The following TBC1D5 variants were observed in gnomAD, a reference collection of about 807,000 sequenced individuals.
The protein encoded by TBC1D5 is TBC1 domain family member 5, also known as TBC1 domain family, member 5.
Under a neutral mutation model 100.3 loss-of-function variants are expected in TBC1D5, and 75 were observed. The observed-to-expected ratio is 0.75, with a 90% CI of 0.62 to 0.91. The LOEUF (loss-of-function observed/expected upper bound fraction) is 0.91. TBC1D5 is among the 40% of genes least tolerant of loss of function. The pLI is 0.00. For missense variants in TBC1D5, 910 were observed against 942.4 expected (o/e 0.97, Z 0.45); for synonymous variants, 323 against 325.6 (o/e 0.99, Z 0.09).
At chr3:17,518,098 A>G (rs1432290051) in intron 2 of TBC1D5, among the ~76,000 whole-genome samples, 2 of 152,178 alleles carry the variant, frequency 1.3e-5, no homozygotes, top group Non-Finnish European at 2.9e-5. Flanking sequence ...CTAAATAAAA[A>G]CAGTAGAGTA....
chr3:17,619,435 A>G (rs2062463669), intron 2 of TBC1D5, among the ~76,000 whole-genome samples: 1 of 152,254 alleles, frequency 6.6e-6, no homozygotes, highest in Non-Finnish European at 1.5e-5. Context: ...AACAGTGCAA[A>G]TGAACAGAAA....
chr3:17,343,914 A>G (rs2089432983), intron 13 of TBC1D5, among the ~76,000 whole-genome samples: 1 of 151,760 alleles, frequency 6.6e-6, no homozygotes, highest in African/African-American at 2.4e-5. Flanking sequence ...CTTTCAAAAA[A>G]CCAGCTCCTG....
intron 2 of TBC1D5, among the ~76,000 whole-genome samples, chr3:17,565,460 A>AAT (rs1217351952): frequency 1.3e-5 from 2 of 152,144 alleles, no homozygotes; most frequent in Non-Finnish European, 2.9e-5. Flanking sequence ...GGAAAAGGTA[A>AAT]ATATATACAT....
intron 3 of TBC1D5, among the ~76,000 whole-genome samples, chr3:17,486,272 C>G (rs2150421994): frequency 6.6e-6 from 1 of 152,108 alleles, no homozygotes; most frequent in African/African-American, 2.4e-5. Context: ...CGAAAATTTT[C>G]TCCCATTTTG....
At chr3:17,510,010 T>C (rs1183458894) in intron 2 of TBC1D5, among the ~76,000 whole-genome samples, 1 of 152,048 alleles carries the variant, frequency 6.6e-6, no homozygotes, top group South Asian at 2.1e-4. Flanking sequence ...TTTCAAAACA[T>C]AAACCAAGTT....
chr3:17,381,199 T>A (rs1054742224), intron 9 of TBC1D5, among the ~76,000 whole-genome samples: 1 of 152,088 alleles, frequency 6.6e-6, no homozygotes, highest in Non-Finnish European at 1.5e-5. Context: ...TAGTCTTCTA[T>A]ACAAATGCAG....
intron 2 of TBC1D5, among the ~76,000 whole-genome samples, chr3:17,607,921 A>G (rs1287846509): frequency 1.1e-4 from 16 of 152,210 alleles, no homozygotes; most frequent in Admixed American, 1.0e-3. Flanking sequence ...TAAATTGAAA[A>G]AAAAACTTTT....
chr3:17,591,925 T>C (rs983395795), intron 2 of TBC1D5, among the ~76,000 whole-genome samples: 5 of 152,216 alleles, frequency 3.3e-5, no homozygotes, highest in Non-Finnish European at 5.9e-5. Context: ...ACTCTCCTAT[T>C]TGGCCTATGC....
intron 3 of TBC1D5, among the ~76,000 whole-genome samples, chr3:17,440,314 A>C (rs181833354): frequency 4.7e-4 from 72 of 151,672 alleles, no homozygotes; most frequent in Middle Eastern, 3.4e-3. Context: ...TTTATCCCCC[A>C]AAAAAAAACT....
exon 21 of TBC1D5, chr3:17,166,908 A>C: frequency 6.2e-7 from 1 of 1,607,644 alleles, no homozygotes; most frequent in Non-Finnish European, 8.5e-7. Context: ...AACGCAGGGA[A>C]CCTTTTAGAA....
chr3:17,340,145 A>T (rs2088637408), intron 13 of TBC1D5, among the ~76,000 whole-genome samples: 2 of 152,302 alleles, frequency 1.3e-5, no homozygotes, highest in African/African-American at 4.8e-5. Flanking sequence ...ACTGGGGGGT[A>T]AAGTAACACA....
At chr3:17,350,072 A>C (rs1281227298) in intron 13 of TBC1D5, among the ~76,000 whole-genome samples, 2 of 152,120 alleles carry the variant, frequency 1.3e-5, no homozygotes, top group Non-Finnish European at 2.9e-5. Context: ...TATTTCACCA[A>C]AAGACTGACA....
chr3:17,214,175 G>C, intron 18 of TBC1D5, 32 bp downstream of exon 19: 2 of 1,588,806 alleles, frequency 1.3e-6, no homozygotes, highest in Non-Finnish European at 1.7e-6. Context: ...AGAAAATGAA[G>C]AACGAAGAGA....
exon 5 of TBC1D5, chr3:17,406,497 T>C (rs777317017): frequency 1.9e-6 from 3 of 1,612,122 alleles, no homozygotes; most frequent in South Asian, 1.1e-5. Flanking sequence ...CAAGTAATTG[T>C]TGTTTACAAA....
chr3:17,610,028 A>G (rs2061570233), intron 2 of TBC1D5, among the ~76,000 whole-genome samples: 1 of 152,182 alleles, frequency 6.6e-6, no homozygotes, highest in South Asian at 2.1e-4. Context: ...GTACATTCAG[A>G]TTCAAGCTGT....
intron 2 of TBC1D5, among the ~76,000 whole-genome samples, chr3:17,552,712 A>G (rs1266087591): frequency 6.6e-6 from 1 of 152,054 alleles, no homozygotes; most frequent in Non-Finnish European, 1.5e-5. Flanking sequence ...AGATGGAGAG[A>G]GAATGGGGTC....
intron 2 of TBC1D5, among the ~76,000 whole-genome samples, chr3:17,543,233 C>T (rs1298266887): frequency 1.3e-5 from 2 of 152,118 alleles, no homozygotes; most frequent in Non-Finnish European, 2.9e-5. Context: ...TCTAGAGAGA[C>T]ACAACAGGGA....
At chr3:17,658,331 T>G (rs2066301566) in intron 1 of TBC1D5, among the ~76,000 whole-genome samples, 1 of 152,188 alleles carries the variant, frequency 6.6e-6, no homozygotes, top group African/African-American at 2.4e-5. Context: ...GTATAAAGAT[T>G]ATAGCATCAC....
intron 15 of TBC1D5, among the ~76,000 whole-genome samples, chr3:17,280,057 G>C (rs1368208716): frequency 6.6e-6 from 1 of 152,172 alleles, no homozygotes; most frequent in Non-Finnish European, 1.5e-5. Flanking sequence ...ACTCATTATT[G>C]CAGGTACCCT....
Sources: allele counts gnomAD v4.1 joint callset (sites outside exome capture counted in the v4.1 genomes callset), GRCh38; gene constraint gnomAD v4.1.1; transcripts MANE v1.5; gene names NCBI Gene and HGNC (gene_info 2026-07-23, HGNC 2026-07-21).